LGSN: variants seen among roughly 807,000 people sequenced by gnomAD.
The protein encoded by LGSN is lengsin.
Under a neutral mutation model 19.5 loss-of-function variants are expected in LGSN, and 21 were observed. The observed-to-expected ratio is 1.07, with a 90% CI of 0.76 to 1.55. The LOEUF (loss-of-function observed/expected upper bound fraction) is 1.55. Ranked by LOEUF, LGSN falls within the 40% of genes most tolerant of loss-of-function variation. The probability of loss-of-function intolerance (pLI) is 0.00; values close to 1 mark genes in which losing one functional copy is unlikely to be tolerated. For missense variants in LGSN, 673 were observed against 608.5 expected, an observed-to-expected ratio of 1.11 and a Z score of -1.12; for synonymous variants, 257 against 215.6, an observed-to-expected ratio of 1.19 and a Z score of -1.68.
the LGSN span, among the ~76,000 whole-genome samples, chr6:63,391,616 C>T: frequency 2.7e-3 from 411 of 152,306 alleles, 1 homozygote; most frequent in Middle Eastern, 0.01. Flanking sequence ...CTAGTTCCTG[C>T]TCACTTAAGT....
the LGSN span, among the ~76,000 whole-genome samples, chr6:63,371,189 C>T: frequency 6.6e-6 from 1 of 152,188 alleles, no homozygotes; most frequent in Non-Finnish European, 1.5e-5. Context: ...TCAGACAAAT[C>T]TAAGTAGTTA....
the LGSN span, among the ~76,000 whole-genome samples, chr6:63,477,009 C>A: frequency 6.6e-6 from 1 of 152,200 alleles, no homozygotes. Flanking sequence ...TCCTAGTAGT[C>A]AAGCCTAGAC....
the LGSN span, among the ~76,000 whole-genome samples, chr6:63,412,874 G>A: frequency 2.1e-5 from 3 of 144,736 alleles, no homozygotes; most frequent in African/African-American, 7.9e-5. Flanking sequence ...GTAAGAGAAA[G>A]AGAAAGAAAG....
intron 1 of LGSN, among the ~76,000 whole-genome samples, chr6:63,299,649 A>T (rs139048380): frequency 1.3e-5 from 2 of 151,898 alleles, no homozygotes; most frequent in African/African-American, 4.8e-5. Context: ...TAAATGAAAA[A>T]TTTTTCTGAA....
At chr6:63,465,236 A>G in the LGSN span, among the ~76,000 whole-genome samples, 1 of 152,002 alleles carries the variant, frequency 6.6e-6, no homozygotes, top group African/African-American at 2.4e-5. Context: ...GCCAGAGTGC[A>G]ATGGCTCCAT....
At chr6:63,528,427 C>G in the LGSN span, among the ~76,000 whole-genome samples, 1 of 144,772 alleles carries the variant, frequency 6.9e-6, no homozygotes, top group Non-Finnish European at 1.5e-5. Context: ...GAATCTCTGT[C>G]TTTTTTTTTT....
At chr6:63,535,922 G>A in the LGSN span, among the ~76,000 whole-genome samples, 29 of 152,256 alleles carry the variant, frequency 1.9e-4, no homozygotes, top group Non-Finnish European at 3.2e-4. Flanking sequence ...ACAGGCGTGC[G>A]CCACCATGCA....
At chr6:63,404,711 T>C in the LGSN span, among the ~76,000 whole-genome samples, 1 of 152,104 alleles carries the variant, frequency 6.6e-6, no homozygotes, top group African/African-American at 2.4e-5. Context: ...GTCATAACCT[T>C]AGGAGTTAGA....
chr6:63,281,169 G>A lies in LGSN; in HGVS notation c.382C>T (p.Pro128Ser), dbSNP rs766330721. ...CMPRGYLEVI[P>S]NPKDNEMNNI... is the part of the protein sequence containing the mutation. Reference sequence around the variant, plus strand: ...TTCATTTCATTGTCCTTTGGATTTGGTATCACTTCAAGATAACCTCGGGGC... The same window carrying A: ...TTCATTTCATTGTCCTTTGGATTTGATATCACTTCAAGATAACCTCGGGGC... Residue 128 changes from proline to serine, a missense_variant, in exon 4 of 4, where the codon CCA becomes TCA. Pro to Ser is a moderately conservative substitution (Grantham distance 74). Coordinates refer to ENST00000370657, the MANE Select transcript of LGSN (RefSeq NM_016571.3). The A allele has an allele frequency of 6.2e-7, 1 of 1,612,852 alleles. No individual in the cohort carries two copies. The highest frequency in any genetic ancestry group is 8.5e-7 in the Non-Finnish European group (1 of 1,179,516).
the LGSN span, among the ~76,000 whole-genome samples, chr6:63,456,384 T>C: frequency 7.8e-6 from 1 of 128,112 alleles, no homozygotes; most frequent in African/African-American, 3.1e-5. Context: ...TATATATATA[T>C]ATATATATAC....
At chr6:63,486,391 C>T in the LGSN span, among the ~76,000 whole-genome samples, 1 of 152,170 alleles carries the variant, frequency 6.6e-6, no homozygotes, top group Non-Finnish European at 1.5e-5. Context: ...ACGACAGCTG[C>T]TAGGTCAGTT....
At chr6:63,442,980 C>G in the LGSN span, among the ~76,000 whole-genome samples, 1 of 152,214 alleles carries the variant, frequency 6.6e-6, no homozygotes, top group Non-Finnish European at 1.5e-5. Flanking sequence ...GCGATGGGAC[C>G]AGGCACTGTG....
At chr6:63,441,605 G>C in the LGSN span, 3 of 460,356 alleles carry the variant, frequency 6.5e-6, no homozygotes, top group Non-Finnish European at 1.2e-5. Context: ...AGCGAGCTAA[G>C]GAAGCTCAGG....
At chr6:63,368,181 G>C in the LGSN span, among the ~76,000 whole-genome samples, 4 of 152,066 alleles carry the variant, frequency 2.6e-5, no homozygotes, top group East Asian at 3.9e-4. Flanking sequence ...TTCCTGACTG[G>C]TTTTGAAGTT....
chr6:63,482,674 C>T, the LGSN span, among the ~76,000 whole-genome samples: 5 of 152,014 alleles, frequency 3.3e-5, no homozygotes, highest in Non-Finnish European at 7.4e-5. Context: ...TGCAATGAGC[C>T]GAAATCACAC....
chr6:63,478,815 G>A, the LGSN span, among the ~76,000 whole-genome samples: 3 of 152,156 alleles, frequency 2.0e-5, no homozygotes, highest in Non-Finnish European at 4.4e-5. Context: ...GTGCTTTAAG[G>A]TTGGTTTGAT....
At chr6:63,429,846 G>C in the LGSN span, among the ~76,000 whole-genome samples, 2 of 152,176 alleles carry the variant, frequency 1.3e-5, no homozygotes, top group South Asian at 2.1e-4. Context: ...AACACACTTG[G>C]CATGTTGTCC....
the LGSN span, among the ~76,000 whole-genome samples, chr6:63,529,256 T>C: frequency 2.0e-5 from 3 of 151,130 alleles, no homozygotes; most frequent in Non-Finnish European, 4.4e-5. Context: ...TTTAGACAGG[T>C]GTCTAGGTTC....
chr6:63,505,605 G>GAAATAAATAAAT, the LGSN span, among the ~76,000 whole-genome samples: 23 of 114,114 alleles, frequency 2.0e-4, 2 homozygotes, highest in South Asian at 6.2e-4. Flanking sequence ...AAGAAAGAAA[G>GAAATAAATAAAT]AAAGAAAGAA....
Sources: allele counts gnomAD v4.1 joint callset (sites outside exome capture counted in the v4.1 genomes callset), GRCh38; gene constraint gnomAD v4.1.1; transcripts MANE v1.5; gene names NCBI Gene and HGNC (gene_info 2026-07-23, HGNC 2026-07-21).